The following POLD3 variants were observed in gnomAD, a reference collection of about 807,000 sequenced individuals.
POLD3 encodes DNA polymerase delta 3, accessory subunit.
In POLD3, 19 loss-of-function variants were observed where a neutral mutation model predicts 58.2. The ratio of observed to expected loss-of-function variants is 0.33; its 90% CI spans 0.23 to 0.48. The LOEUF (loss-of-function observed/expected upper bound fraction) is 0.48. POLD3 is among the 20% of genes least tolerant of loss of function. POLD3 has a pLI of 0.99. For synonymous variants in POLD3, 172 were observed against 193.5 expected, an observed-to-expected ratio of 0.89 and a Z score of 0.92; for missense variants, 504 against 545.5, an observed-to-expected ratio of 0.92 and a Z score of 0.76.
intron 3 of POLD3, among the ~76,000 whole-genome samples, chr11:74,607,286 C>T (rs1307585470): frequency 1.4e-5 from 2 of 139,308 alleles, no homozygotes; most frequent in Non-Finnish European, 3.2e-5. Context: ...TTTTTGAGAC[C>T]GAGTCTTGCT....
rs2135187451 is a variant in POLD3 at position 74,642,546 on chromosome 11, G to T, written c.*1780G>T. 1.0e-6 allele frequency: 1 copy of T among 985,274 alleles called. No homozygotes were observed. The highest frequency in any genetic ancestry group is 1.7e-5 in the African/African-American group (1 of 57,350). The allele number at this position is 985,274 out of a possible 1,614,324, so 61.0% of individuals were successfully genotyped here. A position where few individuals can be genotyped will look rare whatever the true frequency, so the allele number is the denominator to read the frequency against. ...ATTTGAATTGGAAAATTCTGGTGTT[G>T]GTTGGAGTTCCATCTTGCAAGGGAT... On this transcript the variant is annotated 3_prime_UTR_variant, in exon 12 of 12. Coordinates refer to ENST00000263681, the MANE Select transcript of POLD3 (RefSeq NM_006591.3).
chr11:74,648,767 TAAC>T (rs2033032530), intron 4 of POLD3, among the ~76,000 whole-genome samples: 1 of 152,212 alleles, frequency 6.6e-6, no homozygotes, highest in Non-Finnish European at 1.5e-5. Context: ...CACTGAATTT[TAAC>T]ATGTCAGATT....
chr11:74,636,311 A>T, intron 11 of POLD3, 36 bp downstream of exon 11: 1 of 1,599,578 alleles, frequency 6.3e-7, no homozygotes, highest in Non-Finnish European at 8.6e-7. Flanking sequence ...CCAGAGATAG[A>T]ATCTCTTATT....
intron 2 of POLD3, among the ~76,000 whole-genome samples, chr11:74,600,368 T>C (rs1760624892): frequency 6.6e-6 from 1 of 152,190 alleles, no homozygotes; most frequent in South Asian, 2.1e-4. Flanking sequence ...GCAGATTGCC[T>C]GAGCTCAGGA....
rs1359327201 is a variant in POLD3 at position 74,625,477 on chromosome 11, T to C, written c.803T>C (p.Val268Ala). The change falls in exon 8 of 12, where the codon GTG (valine) becomes GCG (alanine). Residue 268 changes from valine (V) to alanine (A), a missense_variant. This residue lies in a region of POLD3 where 385 missense variants were observed against 370.5 expected (regional missense o/e 1.04). Transcript: ENST00000263681. ...GAAAAAATAGTGGAGCAGCCTACAG[T>C]GTCTGTCACGGAACCAAAGCTGGCA... ...KEEKIVEQPT[V>A]SVTEPKLATP... 3 of 1,613,592 alleles carry C rather than the reference T, an allele frequency of 1.9e-6. No individual in the cohort carries two copies. Among genetic ancestry groups the C allele is most frequent in the East Asian group, 2.2e-5 (1 of 44,886 alleles).
chr11:74,623,541 A>G (rs1183866172), intron 7 of POLD3, among the ~76,000 whole-genome samples: 3 of 152,176 alleles, frequency 2.0e-5, no homozygotes, highest in Non-Finnish European at 1.5e-5. Context: ...GGTGATGAAA[A>G]TGCTCTAAAA....
chr11:74,646,122 G>A (rs12293317), downstream of POLD3, among the ~76,000 whole-genome samples: 17,009 of 151,980 alleles, frequency 0.11, 1,147 homozygotes, highest in African/African-American at 0.18. Flanking sequence ...ACAGGCGCAT[G>A]CCACCACACC....
rs539905919 is a variant in POLD3 at position 74,641,242 on chromosome 11, C to G, written c.*476C>G. The G allele has an allele frequency of 2.0e-6, 2 of 985,534 alleles. No homozygotes were observed. Among genetic ancestry groups the G allele is most frequent in the Non-Finnish European group, 2.4e-6 (2 of 830,016 alleles). 61.0% of individuals were successfully genotyped at this position (985,534 alleles called of 1,614,324 possible). On this transcript the variant is annotated 3_prime_UTR_variant, in exon 12 of 12. Transcript: ENST00000263681. The stretch of plus-strand genomic sequence containing the variant: ...TCTTCCTGCAGTACCACACTTCTGT[C>G]CCCTAACCTCCTGAGGCTGTTCTCT...
At position 74,641,794 on chromosome 11, in the gene POLD3, G is replaced by A; in HGVS notation, c.*1028G>A. On this transcript the variant is annotated 3_prime_UTR_variant, in exon 12 of 12. Coordinates refer to ENST00000263681, the MANE Select transcript of POLD3 (RefSeq NM_006591.3). ...ATTTATAAATGGATGTTGCTCCTTT[G>A]TATTTTTAGCTTCCCTATTTGCTTA... The A allele has an allele frequency of 1.0e-6, 1 of 985,208 alleles. No individual in the cohort carries two copies. Among genetic ancestry groups the A allele is most frequent in the Non-Finnish European group, 1.2e-6 (1 of 829,728 alleles). The allele number at this position is 985,208 out of a possible 1,614,324, so 61.0% of individuals were successfully genotyped here.
intron 5 of POLD3, among the ~76,000 whole-genome samples, chr11:74,613,943 G>A (rs1309764464): frequency 6.6e-6 from 1 of 152,176 alleles, no homozygotes; most frequent in Non-Finnish European, 1.5e-5. Context: ...GACACAGAAG[G>A]TTATGATATC....
At chr11:74,640,511 A>G in intron 11 of POLD3, 53 bp from the exon 12 acceptor site, 3 of 1,453,204 alleles carry the variant, frequency 2.1e-6, no homozygotes, top group Non-Finnish European at 2.7e-6. Context: ...CATTTTCTTC[A>G]TAGAGTAAAT....
intron 7 of POLD3, among the ~76,000 whole-genome samples, chr11:74,622,573 CT>C (rs1305053424): frequency 6.6e-6 from 1 of 152,094 alleles, no homozygotes; most frequent in Non-Finnish European, 1.5e-5. Flanking sequence ...AAAATTATGA[CT>C]TTTTTATTGT....
At chr11:74,668,066 A>G (rs1565137847) in intron 4 of POLD3, among the ~76,000 whole-genome samples, 1 of 152,368 alleles carries the variant, frequency 6.6e-6, no homozygotes, top group Admixed American at 6.5e-5. Context: ...GTAAACAAAA[A>G]GAGACAATAG....
At chr11:74,619,898 T>C in intron 6 of POLD3, 119 bp from the exon 7 acceptor site, 1 of 733,590 alleles carries the variant, frequency 1.4e-6, no homozygotes. Context: ...CGTTTTGGCA[T>C]GATTATATAG....
At chr11:74,605,926 A>G (rs1026265281) in intron 3 of POLD3, among the ~76,000 whole-genome samples, 44 of 152,282 alleles carry the variant, frequency 2.9e-4, no homozygotes, top group Non-Finnish European at 5.1e-4. Context: ...TCTACAAAAA[A>G]TACAAAAATT....
At position 74,642,567 on chromosome 11, in the gene POLD3, G is replaced by A. The variant is rs139254183; in HGVS notation, c.*1801G>A. 3 of 985,346 alleles carry A rather than the reference G, an allele frequency of 3.0e-6. No individual in the cohort carries two copies. The highest frequency in any genetic ancestry group is 1.7e-5 in the African/African-American group (1 of 57,346). 61.0% of individuals were successfully genotyped at this position (985,346 alleles called of 1,614,324 possible). A position where few individuals can be genotyped will look rare whatever the true frequency, so the allele number is the denominator to read the frequency against. ...TGTTGGTTGGAGTTCCATCTTGCAA[G>A]GGATAATACAAATCCTATGATCTCT... On this transcript the variant is annotated 3_prime_UTR_variant, in exon 12 of 12. Coordinates refer to ENST00000263681, the MANE Select transcript of POLD3 (RefSeq NM_006591.3).
At chr11:74,616,547 A>G (rs2032084667) in intron 5 of POLD3, among the ~76,000 whole-genome samples, 2 of 152,240 alleles carry the variant, frequency 1.3e-5, no homozygotes, top group African/African-American at 4.8e-5. Context: ...AGTGAAATAA[A>G]ACATTACTCT....
chr11:74,609,289 C>A (rs1293783819), intron 3 of POLD3, among the ~76,000 whole-genome samples: 2 of 145,344 alleles, frequency 1.4e-5, no homozygotes, highest in East Asian at 4.0e-4. Flanking sequence ...TAGGTTCCCT[C>A]CTTTCCCTTA....
chr11:74,597,052 T>A (rs2031287066), intron 2 of POLD3, among the ~76,000 whole-genome samples: 2 of 152,270 alleles, frequency 1.3e-5, no homozygotes, highest in Admixed American at 6.5e-5. Flanking sequence ...AGTGCTGCAA[T>A]AAACATGTGA....
Sources: gnomAD v4.1 joint callset for allele counts (sites outside exome capture counted in the v4.1 genomes callset) on GRCh38, gnomAD v4.1.1 for gene constraint, gnomAD v4.1.1 regional missense constraint, MANE v1.5 for transcripts, NCBI Gene and HGNC (gene_info 2026-07-23, HGNC 2026-07-21) for gene names.